SH3PXD2A: variants seen among roughly 807,000 people sequenced by gnomAD.
SH3PXD2A encodes SH3 and PX domains 2A, also known as SH3 and PX domain-containing protein 2A.
SH3PXD2A carries 32 observed loss-of-function variants against 115.2 expected under a neutral mutation model. That is an observed-to-expected ratio of 0.28 (90% CI 0.21 to 0.37). SH3PXD2A has a LOEUF of 0.37. SH3PXD2A is among the 10% of genes least tolerant of loss of function. The pLI is 1.00. For missense variants in SH3PXD2A, 1,328 were observed against 1,498.7 expected, an observed-to-expected ratio of 0.89 and a Z score of 1.88; for synonymous variants, 610 against 629.1, an observed-to-expected ratio of 0.97 and a Z score of 0.45.
chr10:103,852,040 C>T (rs1842901651), intron 1 of SH3PXD2A, among the ~76,000 whole-genome samples: 1 of 152,224 alleles, frequency 6.6e-6, no homozygotes, highest in Admixed American at 6.5e-5. Context: ...CATCCAGCAT[C>T]ATCAGGACCA....
intron 4 of SH3PXD2A, among the ~76,000 whole-genome samples, chr10:103,732,064 C>T (rs2038326251): frequency 6.6e-6 from 1 of 152,170 alleles, no homozygotes; most frequent in Non-Finnish European, 1.5e-5. Context: ...TCTAGTCGTA[C>T]CAACCAGGAA....
At chr10:103,801,995 C>T (rs546866824) in intron 1 of SH3PXD2A, among the ~76,000 whole-genome samples, 17 of 152,296 alleles carry the variant, frequency 1.1e-4, no homozygotes, top group Admixed American at 6.5e-4. Context: ...TGAGCCACCA[C>T]GCCTGGCCTT....
intron 1 of SH3PXD2A, among the ~76,000 whole-genome samples, chr10:103,844,779 C>A (rs542128104): frequency 6.6e-6 from 1 of 152,278 alleles, no homozygotes; most frequent in African/African-American, 2.4e-5. Flanking sequence ...AAAATGCATA[C>A]CTTCATGGCC....
intron 1 of SH3PXD2A, among the ~76,000 whole-genome samples, chr10:103,841,294 G>T (rs1370140856): frequency 6.6e-6 from 1 of 152,168 alleles, no homozygotes; most frequent in Admixed American, 6.5e-5. Flanking sequence ...GCCCCTACCT[G>T]CCTCCTGGCT....
chr10:103,713,433 T>C (rs2038069040), intron 5 of SH3PXD2A, among the ~76,000 whole-genome samples: 1 of 152,200 alleles, frequency 6.6e-6, no homozygotes. Flanking sequence ...AGTGTAGCGA[T>C]TGTTAATGAC....
rs570499805 is a variant in SH3PXD2A at position 103,755,636 on chromosome 10, C to T, written c.229+11458G>A. ...CCAGTGTGGAAGTACGATAGCTACC[C>T]ATCTCAGCCACGGAAAATAGCAGAG... On this transcript the variant is annotated intron_variant, in intron 3 of 14. Transcript: ENST00000369774. 1.3e-4 allele frequency among the ~76,000 whole-genome samples: 20 copies of T among 152,246 alleles called. No individual in the cohort carries two copies. The East Asian group carries it at 3.9e-3, about 29-fold the overall frequency.
chr10:103,596,101 T>G lies in SH3PXD2A; in HGVS notation c.*5715A>C, dbSNP rs1345748416. 1 of 152,308 alleles carries G rather than the reference T, an allele frequency of 6.6e-6. No homozygotes were observed. Among genetic ancestry groups the G allele is most frequent in the South Asian group, 2.1e-4 (1 of 4,816 alleles). The allele number at this position is 152,308 out of a possible 1,614,324, so 9.4% of individuals were successfully genotyped here. Reference sequence around the variant, plus strand: ...GGCCCTGCAGTTGGGACTAAACTTATATGCACCTGCAGGTCTTGTTGGGTG... The same window carrying G: ...GGCCCTGCAGTTGGGACTAAACTTAGATGCACCTGCAGGTCTTGTTGGGTG... On this transcript the variant is annotated 3_prime_UTR_variant, in exon 15 of 15. Transcript: ENST00000369774.
intron 9 of SH3PXD2A, among the ~76,000 whole-genome samples, chr10:103,624,919 C>T (rs1283590033): frequency 6.6e-6 from 1 of 152,202 alleles, no homozygotes; most frequent in Non-Finnish European, 1.5e-5. Flanking sequence ...GAATCCACAG[C>T]TATCCAGAAG....
intron 2 of SH3PXD2A, among the ~76,000 whole-genome samples, chr10:103,772,471 C>T (rs1462193555): frequency 1.3e-5 from 2 of 152,228 alleles, no homozygotes; most frequent in Non-Finnish European, 2.9e-5. Context: ...ACGGGCCTGA[C>T]TCAGGCTGGA....
intron 11 of SH3PXD2A, among the ~76,000 whole-genome samples, chr10:103,614,938 C>G (rs7901223): frequency 6.6e-6 from 1 of 152,172 alleles, no homozygotes; most frequent in South Asian, 2.1e-4. Context: ...GAGCCAAGCT[C>G]GCCTCCCCAG....
intron 8 of SH3PXD2A, among the ~76,000 whole-genome samples, chr10:103,631,005 T>G (rs191504113): frequency 6.6e-6 from 1 of 152,310 alleles, no homozygotes; most frequent in East Asian, 1.9e-4. Context: ...ATACATTTTT[T>G]TCCTATACAT....
rs140654179 is a variant in SH3PXD2A, at chr10:103,670,433, T to C, written c.428-1781A>G. Reference sequence around the variant, plus strand: ...CTACTACATAGTCAGTGCTTGATAATGGTTAGCCGCCACTGGCAGTAACTC... The same window carrying C: ...CTACTACATAGTCAGTGCTTGATAACGGTTAGCCGCCACTGGCAGTAACTC... On this transcript the variant is annotated intron_variant, in intron 6 of 14. Coordinates refer to ENST00000369774, the MANE Select transcript of SH3PXD2A (RefSeq NM_001394015.1). Among the ~76,000 whole-genome samples, 393 of 152,308 alleles carry C rather than the reference T, an allele frequency of 2.6e-3. 2 individuals are homozygous for C. The highest frequency in any genetic ancestry group is 9.1e-3 in the African/African-American group (380 of 41,572).
At chr10:103,705,439 G>T (rs1430024814) in intron 5 of SH3PXD2A, among the ~76,000 whole-genome samples, 1 of 152,160 alleles carries the variant, frequency 6.6e-6, no homozygotes, top group African/African-American at 2.4e-5. Flanking sequence ...CACTACATTT[G>T]TCAAGCATTT....
intron 8 of SH3PXD2A, among the ~76,000 whole-genome samples, chr10:103,631,025 T>C (rs1340576549): frequency 6.6e-6 from 1 of 152,098 alleles, no homozygotes; most frequent in East Asian, 1.9e-4. Flanking sequence ...TACATGCCTA[T>C]GAAGAAGTTT....
chr10:103,685,998 C>T (rs921548254), intron 6 of SH3PXD2A, among the ~76,000 whole-genome samples: 1 of 152,222 alleles, frequency 6.6e-6, no homozygotes, highest in Non-Finnish European at 1.5e-5. Context: ...ACCCTGTCTT[C>T]CTGTTGCCAA....
intron 2 of SH3PXD2A, among the ~76,000 whole-genome samples, chr10:103,770,328 C>T (rs10748849): frequency 0.39 from 59,360 of 152,020 alleles, 11,859 homozygotes; most frequent in Middle Eastern, 0.44. Context: ...CCACTTCAGC[C>T]TCTGGTGTAA....
chr10:103,787,039 T>TCC (rs1174406542), intron 2 of SH3PXD2A, among the ~76,000 whole-genome samples: 1 of 152,202 alleles, frequency 6.6e-6, no homozygotes, highest in Non-Finnish European at 1.5e-5. Context: ...GGTCTCCTTA[T>TCC]CCCAGCACTC....
At chr10:103,759,664 C>T (rs1431611998) in intron 3 of SH3PXD2A, among the ~76,000 whole-genome samples, 1 of 152,180 alleles carries the variant, frequency 6.6e-6, no homozygotes, top group Admixed American at 6.5e-5. Context: ...TACTTCATGT[C>T]GTAATGACCA....
At chr10:103,615,529 T>C (rs1262944002) in intron 11 of SH3PXD2A, among the ~76,000 whole-genome samples, 2 of 121,654 alleles carry the variant, frequency 1.6e-5, no homozygotes, top group Non-Finnish European at 3.5e-5. Context: ...TGTGTGTGTG[T>C]GTAGGGGTTG....
Sources: gnomAD v4.1 joint callset for allele counts (sites outside exome capture counted in the v4.1 genomes callset) on GRCh38, gnomAD v4.1.1 for gene constraint, MANE v1.5 for transcripts, NCBI Gene and HGNC (gene_info 2026-07-23, HGNC 2026-07-21) for gene names.